GRM8: variants seen among roughly 807,000 people sequenced by gnomAD.
GRM8 encodes metabotropic glutamate receptor 8.
Under a neutral mutation model 87.2 loss-of-function variants are expected in GRM8, and 47 were observed. The observed-to-expected ratio is 0.54, with a 90% CI of 0.43 to 0.69. The LOEUF is 0.69. Ranked by LOEUF, GRM8 falls within the 30% of genes least tolerant of loss-of-function variation. The pLI is 0.00. For synonymous variants in GRM8, 396 were observed against 404.5 expected, an observed-to-expected ratio of 0.98 and a Z score of 0.25; for missense variants, 1,019 against 1,139.2, an observed-to-expected ratio of 0.89 and a Z score of 1.52.
chr7:127,217,343 C>CCA (rs1415245485), intron 2 of GRM8, among the ~76,000 whole-genome samples: 16 of 152,238 alleles, frequency 1.1e-4, no homozygotes, highest in Admixed American at 1.0e-3. Context: ...AGGCAGCTTA[C>CCA]CAAAGACCCT....
intron 6 of GRM8, among the ~76,000 whole-genome samples, chr7:126,805,393 G>A (rs1792574028): frequency 6.6e-6 from 1 of 152,204 alleles, no homozygotes; most frequent in Admixed American, 6.5e-5. Context: ...CCCCCTGCCT[G>A]TCTTGGAATT....
intron 7 of GRM8, among the ~76,000 whole-genome samples, chr7:126,699,862 A>G (rs920696925): frequency 1.3e-5 from 2 of 152,194 alleles, no homozygotes; most frequent in African/African-American, 4.8e-5. Flanking sequence ...ACAATAATAA[A>G]TACTGGCTCA....
chr7:127,137,843 T>C (rs1828028833), intron 2 of GRM8, among the ~76,000 whole-genome samples: 1 of 152,192 alleles, frequency 6.6e-6, no homozygotes, highest in Admixed American at 6.5e-5. Context: ...TCTTCTTCAT[T>C]TACTGTCCTT....
chr7:126,501,003 T>G (rs1809562017), intron 9 of GRM8, among the ~76,000 whole-genome samples: 1 of 152,046 alleles, frequency 6.6e-6, no homozygotes. Context: ...CAGTCCTTTA[T>G]TCTTATAATT....
At chr7:127,081,550 T>C (rs1822865393) in intron 3 of GRM8, among the ~76,000 whole-genome samples, 1 of 150,810 alleles carries the variant, frequency 6.6e-6, no homozygotes, top group African/African-American at 2.5e-5. Flanking sequence ...CCCACTAACC[T>C]GGAACCCGAA....
intron 3 of GRM8, among the ~76,000 whole-genome samples, chr7:126,955,878 T>A (rs1369483676): frequency 6.6e-6 from 1 of 152,190 alleles, no homozygotes; most frequent in East Asian, 1.9e-4. Context: ...GAGTACACAC[T>A]GATGTTTGCT....
chr7:126,448,586 A>T (rs1802275848), intron 9 of GRM8, among the ~76,000 whole-genome samples: 1 of 151,966 alleles, frequency 6.6e-6, no homozygotes, highest in Non-Finnish European at 1.5e-5. Context: ...ACTCAATGAA[A>T]GATGTAATAA....
intron 7 of GRM8, among the ~76,000 whole-genome samples, chr7:126,609,961 T>TA (rs1291660804): frequency 6.6e-6 from 1 of 152,202 alleles, no homozygotes; most frequent in Non-Finnish European, 1.5e-5. Context: ...CTAAAGCAGT[T>TA]AGAGAGCACC....
At chr7:126,775,037 A>G (rs1193234658) in intron 6 of GRM8, among the ~76,000 whole-genome samples, 4 of 152,164 alleles carry the variant, frequency 2.6e-5, no homozygotes, top group African/African-American at 9.6e-5. Flanking sequence ...GAAATCAAAC[A>G]TCCAATTGGT....
intron 2 of GRM8, among the ~76,000 whole-genome samples, chr7:127,216,159 T>G (rs971093237): frequency 6.6e-6 from 1 of 152,202 alleles, no homozygotes; most frequent in Non-Finnish European, 1.5e-5. Flanking sequence ...TTAGCTAGAA[T>G]GCCTAAAAAT....
intron 9 of GRM8, among the ~76,000 whole-genome samples, chr7:126,451,155 G>A (rs958141123): frequency 9.9e-5 from 15 of 151,798 alleles, no homozygotes; most frequent in Non-Finnish European, 2.2e-4. Context: ...TCTTAGGAAA[G>A]GCATTTGTCT....
At chr7:127,161,712 T>C (rs1213624178) in intron 2 of GRM8, among the ~76,000 whole-genome samples, 3 of 152,078 alleles carry the variant, frequency 2.0e-5, no homozygotes, top group African/African-American at 7.2e-5. Context: ...CTAATTTCTA[T>C]AAGACATGAA....
chr7:127,090,194 G>A (rs1359622837), intron 3 of GRM8, among the ~76,000 whole-genome samples: 1 of 152,132 alleles, frequency 6.6e-6, no homozygotes, highest in Non-Finnish European at 1.5e-5. Flanking sequence ...CTGCAATCCA[G>A]TTTCTGCACA....
intron 3 of GRM8, among the ~76,000 whole-genome samples, chr7:126,959,888 A>T (rs1030610611): frequency 2.0e-5 from 3 of 152,210 alleles, no homozygotes; most frequent in Non-Finnish European, 4.4e-5. Flanking sequence ...TAAATTAATT[A>T]TCCTCTCTAA....
chr7:126,798,386 T>C (rs867151097), intron 6 of GRM8, among the ~76,000 whole-genome samples: 1 of 151,970 alleles, frequency 6.6e-6, no homozygotes, highest in Admixed American at 6.6e-5. Context: ...TAGGTAAAAA[T>C]ACAAATATTT....
intron 6 of GRM8, among the ~76,000 whole-genome samples, chr7:126,889,134 G>T (rs530834260): frequency 6.6e-6 from 1 of 152,098 alleles, no homozygotes; most frequent in Non-Finnish European, 1.5e-5. Context: ...GCTATAGAGC[G>T]TTTTGGTAAC....
At chr7:126,474,807 T>C (rs918606126) in intron 9 of GRM8, among the ~76,000 whole-genome samples, 6 of 152,160 alleles carry the variant, frequency 3.9e-5, no homozygotes, top group African/African-American at 1.4e-4. Context: ...GTTTTATCCC[T>C]GGGATGTAAA....
intron 9 of GRM8, among the ~76,000 whole-genome samples, chr7:126,494,587 A>G (rs942684367): frequency 1.3e-5 from 2 of 152,068 alleles, no homozygotes; most frequent in Admixed American, 6.6e-5. Context: ...TGAGGAAGAC[A>G]GGTAAATCTT....
chr7:126,822,348 A>G (rs955752624), intron 6 of GRM8, among the ~76,000 whole-genome samples: 10 of 152,128 alleles, frequency 6.6e-5, no homozygotes, highest in Admixed American at 3.3e-4. Flanking sequence ...GCTGAGGACT[A>G]TCTTCTTTAC....
Sources: allele counts gnomAD v4.1 joint callset (sites outside exome capture counted in the v4.1 genomes callset), GRCh38; gene constraint gnomAD v4.1.1; transcripts MANE v1.5; gene names NCBI Gene and HGNC (gene_info 2026-07-23, HGNC 2026-07-21).